Variants in GRM8 observed in about 807,000 individuals in gnomAD.
GRM8 encodes metabotropic glutamate receptor 8.
Under a neutral mutation model 87.2 loss-of-function variants are expected in GRM8, and 47 were observed. The observed-to-expected ratio is 0.54, with a 90% CI of 0.43 to 0.69. The LOEUF (loss-of-function observed/expected upper bound fraction) is 0.69, where lower values mean the gene tolerates loss of function less well. GRM8 is among the 30% of genes least tolerant of loss of function. The probability of loss-of-function intolerance (pLI) is 0.00; values close to 1 mark genes in which losing one functional copy is unlikely to be tolerated. For missense variants in GRM8, 1,019 were observed against 1,139.2 expected (o/e 0.89, Z 1.52); for synonymous variants, 396 against 404.5 (o/e 0.98, Z 0.25).
At chr7:127,109,531 G>C (rs182817608) in intron 2 of GRM8, among the ~76,000 whole-genome samples, 38 of 152,190 alleles carry the variant, frequency 2.5e-4, no homozygotes, top group African/African-American at 7.9e-4. Flanking sequence ...TCTATCTAAT[G>C]ATCCTCTATA....
intron 2 of GRM8, among the ~76,000 whole-genome samples, chr7:127,137,647 AT>A (rs1027762797): frequency 6.6e-6 from 1 of 152,076 alleles, no homozygotes; most frequent in African/African-American, 2.4e-5. Flanking sequence ...AAAATTTAAA[AT>A]TCTTCCATTG....
chr7:127,037,598 C>A (rs889572680), intron 3 of GRM8, among the ~76,000 whole-genome samples: 2 of 152,200 alleles, frequency 1.3e-5, no homozygotes, highest in Non-Finnish European at 2.9e-5. Context: ...TCCATCAGCC[C>A]AGGCTGCAAA....
intron 3 of GRM8, among the ~76,000 whole-genome samples, chr7:126,921,676 A>G (rs1261023129): frequency 3.9e-5 from 6 of 152,190 alleles, no homozygotes; most frequent in Admixed American, 6.5e-5. Flanking sequence ...CTTCAAAATT[A>G]TAAGAAAAAA....
At chr7:127,036,496 G>A (rs374550255) in intron 3 of GRM8, among the ~76,000 whole-genome samples, 11 of 152,272 alleles carry the variant, frequency 7.2e-5, no homozygotes, top group African/African-American at 2.6e-4. Context: ...TGGCCTGCCT[G>A]GAGCACCTAT....
intron 3 of GRM8, among the ~76,000 whole-genome samples, chr7:127,102,585 G>C (rs1229427263): frequency 3.3e-5 from 5 of 152,226 alleles, no homozygotes; most frequent in Non-Finnish European, 7.3e-5. Flanking sequence ...CCACTGCTCT[G>C]GAGAGTATGA....
At chr7:126,711,039 G>T (rs149401927) in intron 7 of GRM8, among the ~76,000 whole-genome samples, 1 of 152,296 alleles carries the variant, frequency 6.6e-6, no homozygotes, top group Non-Finnish European at 1.5e-5. Flanking sequence ...CCTGGGCATG[G>T]TGGTGCATAC....
At chr7:126,879,799 A>G (rs559219597) in intron 6 of GRM8, among the ~76,000 whole-genome samples, 1 of 152,336 alleles carries the variant, frequency 6.6e-6, no homozygotes, top group South Asian at 2.1e-4. Context: ...GGCGAGTATT[A>G]TACTACCATT....
At position 127,029,190 on chromosome 7, in the gene GRM8, G is replaced by A. The variant is rs149855441; in HGVS notation, c.727+77306C>T. Among the ~76,000 whole-genome samples, 106 of 152,266 alleles carry A rather than the reference G, an allele frequency of 7.0e-4. 1 individual carries two copies. In the East Asian group the frequency reaches 9.1e-3, roughly 13 times the overall value. Reference sequence around the variant, plus strand: ...CTGAGTTCTAATTTGATTGAACTGCGGTCGGACAGACAGTTTGTTATGATT... The same window carrying A: ...CTGAGTTCTAATTTGATTGAACTGCAGTCGGACAGACAGTTTGTTATGATT... On this transcript the variant is annotated intron_variant, in intron 3 of 10. Coordinates refer to ENST00000339582, the MANE Select transcript of GRM8 (RefSeq NM_000845.3).
At chr7:126,854,862 T>A (rs1797534023) in intron 6 of GRM8, among the ~76,000 whole-genome samples, 1 of 152,224 alleles carries the variant, frequency 6.6e-6, no homozygotes. Context: ...TTTCTAGGCA[T>A]ATCACTGGTG....
intron 2 of GRM8, among the ~76,000 whole-genome samples, chr7:127,144,180 T>G (rs781281840): frequency 2.6e-5 from 4 of 152,158 alleles, no homozygotes; most frequent in Non-Finnish European, 4.4e-5. Context: ...ATATTTGTTA[T>G]GCTTATTATT....
intron 7 of GRM8, among the ~76,000 whole-genome samples, chr7:126,749,233 T>C (rs750725630): frequency 1.3e-5 from 2 of 152,008 alleles, no homozygotes; most frequent in Non-Finnish European, 2.9e-5. Context: ...GCCAAGATCA[T>C]GCCACTGCAC....
At chr7:127,041,851 AG>A (rs1818459658) in intron 3 of GRM8, among the ~76,000 whole-genome samples, 1 of 152,220 alleles carries the variant, frequency 6.6e-6, no homozygotes, top group Non-Finnish European at 1.5e-5. Context: ...TGATCAATAC[AG>A]CTTAGCCCTG....
intron 9 of GRM8, among the ~76,000 whole-genome samples, chr7:126,484,654 T>C (rs2150609666): frequency 6.6e-6 from 1 of 152,218 alleles, no homozygotes; most frequent in East Asian, 1.9e-4. Context: ...ATTCATATTT[T>C]AACATTAGTA....
rs974876256 is a variant in GRM8 at position 126,484,882 on chromosome 7, G to T, written c.2431-38510C>A. Among the ~76,000 whole-genome samples, 13 of 146,310 alleles carry T rather than the reference G, an allele frequency of 8.9e-5. No individual in the cohort carries two copies. The South Asian group carries it at 1.1e-3, about 12-fold the overall frequency. ...ATGGATCTATCGTTAAACGTTTTTT[G>T]TTTTTTTTTTTGAAAACTTTTTATT... On this transcript the variant is annotated intron_variant, in intron 9 of 10. Transcript: ENST00000339582.
intron 7 of GRM8, among the ~76,000 whole-genome samples, chr7:126,719,754 G>A (rs1478316632): frequency 6.6e-6 from 1 of 150,952 alleles, no homozygotes; most frequent in African/African-American, 2.4e-5. Flanking sequence ...CCAGGGAGCT[G>A]GGAAATCACA....
chr7:127,082,953 T>C (rs1823031508), intron 3 of GRM8, among the ~76,000 whole-genome samples: 1 of 152,122 alleles, frequency 6.6e-6, no homozygotes, highest in Non-Finnish European at 1.5e-5. Flanking sequence ...CCTGTTGCTT[T>C]AGTCAGGGTT....
intron 8 of GRM8, among the ~76,000 whole-genome samples, chr7:126,555,013 A>G (rs1792984450): frequency 6.6e-6 from 1 of 152,214 alleles, no homozygotes; most frequent in South Asian, 2.1e-4. Flanking sequence ...TGTGTTGCCT[A>G]TAACTCAAAA....
At chr7:126,961,057 A>G (rs191421820) in intron 3 of GRM8, among the ~76,000 whole-genome samples, 9 of 152,196 alleles carry the variant, frequency 5.9e-5, no homozygotes, top group African/African-American at 2.2e-4. Context: ...TTTCATAAAG[A>G]CAGTTCTGAC....
chr7:127,033,103 G>T (rs1469518601), intron 3 of GRM8, among the ~76,000 whole-genome samples: 2 of 150,038 alleles, frequency 1.3e-5, no homozygotes, highest in Admixed American at 1.3e-4. Flanking sequence ...TTGTCTCCTG[G>T]TCTGTTGCTT....
Sources: allele counts gnomAD v4.1 joint callset (sites outside exome capture counted in the v4.1 genomes callset), GRCh38; gene constraint gnomAD v4.1.1; transcripts MANE v1.5; gene names NCBI Gene and HGNC (gene_info 2026-07-23, HGNC 2026-07-21).